Variants in SMG1 observed in about 807,000 individuals in gnomAD.
The protein encoded by SMG1 is SMG1 nonsense mediated mRNA decay associated PI3K related kinase.
In SMG1, 22 loss-of-function variants were observed where a neutral mutation model predicts 419.9. That is an observed-to-expected ratio of 0.05 (90% CI 0.04 to 0.07). The LOEUF (loss-of-function observed/expected upper bound fraction) is 0.07. SMG1 is among the 10% of genes least tolerant of loss of function. The probability of loss-of-function intolerance (pLI) is 1.00; values close to 1 mark genes in which losing one functional copy is unlikely to be tolerated. For missense variants in SMG1, 3,185 were observed against 4,342.0 expected (o/e 0.73, Z 7.49); for synonymous variants, 1,538 against 1,553.5 (o/e 0.99, Z 0.23).
At chr16:18,912,900 A>G (rs561966754) in intron 1 of SMG1, among the ~76,000 whole-genome samples, 102 of 152,224 alleles carry the variant, frequency 6.7e-4, no homozygotes, top group African/African-American at 2.1e-3. Flanking sequence ...TGGAAAACCT[A>G]TATTTTTATT....
intron 31 of SMG1, 21 bp from the exon 32 acceptor site, chr16:18,852,483 A>G (rs767628666): frequency 2.0e-6 from 3 of 1,477,290 alleles, no homozygotes; most frequent in Non-Finnish European, 1.8e-6. Flanking sequence ...GGACAAAAAA[A>G]TAATTATAAT....
At chr16:18,846,057 G>A (rs986139679) in intron 38 of SMG1, among the ~76,000 whole-genome samples, 4 of 151,964 alleles carry the variant, frequency 2.6e-5, no homozygotes, top group East Asian at 3.9e-4. Context: ...CTCGTGATCC[G>A]CCCGCCTCAG....
intron 60 of SMG1, among the ~76,000 whole-genome samples, chr16:18,812,449 T>A (rs928663675): frequency 7.2e-5 from 11 of 152,082 alleles, no homozygotes; most frequent in African/African-American, 2.2e-4. Flanking sequence ...GTCAGGAATT[T>A]ATTAAATTCA....
At chr16:18,900,498 A>T (rs1233490050) in intron 1 of SMG1, among the ~76,000 whole-genome samples, 2 of 152,240 alleles carry the variant, frequency 1.3e-5, no homozygotes, top group East Asian at 1.9e-4. Flanking sequence ...AAAGAGAGAG[A>T]GTGTCATCTC....
Position 18,853,603 on chromosome 16 carries a change from C to G in SMG1, c.4748G>C (p.Arg1583Pro). The G allele has an allele frequency of 6.2e-7, 1 of 1,601,974 alleles. No individual in the cohort carries two copies. The highest frequency in any genetic ancestry group is 8.5e-7 in the Non-Finnish European group (1 of 1,173,170). ...SVNTMEEEYP[R>P]IESESTVHIG... ...TCTACCTGTAGATTCACTCTCGATC[C>G]GAGGATACTCTTCTTCCATCGTATT... is the stretch of plus-strand genomic sequence containing the variant. Residue 1583 changes from arginine (R) to proline (P), a missense_variant, in exon 31 of 63, where the codon CGG (arginine) becomes CCG (proline). This residue lies in a region of SMG1 where 493 missense variants were observed against 552.9 expected (regional missense o/e 0.89). Coordinates refer to ENST00000446231, the MANE Select transcript of SMG1 (RefSeq NM_015092.5).
intron 29 of SMG1, 24 bp from the exon 30 acceptor site, chr16:18,854,928 T>C (rs201842804): frequency 6.2e-7 from 1 of 1,602,724 alleles, no homozygotes; most frequent in East Asian, 2.2e-5. Context: ...AACGTTTTAT[T>C]AGTTCCTAAT....
chr16:18,807,011 A>C lies in SMG1; in HGVS notation c.*2558T>G, dbSNP rs528387764. Reference sequence around the variant, plus strand: ...AAGTCATCTATTACATCTGCCTTACAACCAAACCCACTGTGTATGCCACAT... The same window carrying C: ...AAGTCATCTATTACATCTGCCTTACCACCAAACCCACTGTGTATGCCACAT... On this transcript the variant is annotated 3_prime_UTR_variant, in exon 63 of 63. Transcript: ENST00000446231. The C allele has an allele frequency of 6.6e-6, 1 of 152,214 alleles. No homozygotes were observed. The highest frequency in any genetic ancestry group is 1.5e-5 in the Non-Finnish European group (1 of 68,042). 9.4% of individuals were successfully genotyped at this position (152,214 alleles called of 1,614,324 possible). A position where few individuals can be genotyped will look rare whatever the true frequency, so the allele number is the denominator to read the frequency against.
In SMG1 at chr16:18,918,875, G is replaced by A. The variant is rs375106606; in HGVS notation, c.92+7075C>T. Reference sequence around the variant, plus strand: ...ATCATGCCACTGCACTCCAGCCTAAGTGACAGAGCAAGACTGTCTCAAAAA... The same window carrying A: ...ATCATGCCACTGCACTCCAGCCTAAATGACAGAGCAAGACTGTCTCAAAAA... On this transcript the variant is annotated intron_variant, in intron 1 of 62. Coordinates refer to ENST00000446231, the MANE Select transcript of SMG1 (RefSeq NM_015092.5). 5.5e-3 allele frequency among the ~76,000 whole-genome samples: 839 copies of A among 152,134 alleles called. 8 individuals carry two copies. Among genetic ancestry groups the A allele is most frequent in the African/African-American group, 0.019 (781 of 41,508 alleles).
At chr16:18,815,828 A>C in intron 58 of SMG1, 177 bp from the exon 59 acceptor site, 2 of 586,050 alleles carry the variant, frequency 3.4e-6, no homozygotes, top group East Asian at 5.8e-5. Context: ...ATTCAAAGTA[A>C]AAGTAAATTC....
Position 18,876,920 on chromosome 16 carries a change from A to G in SMG1, c.1620+211T>C, listed in dbSNP as rs576756077. 6.6e-5 allele frequency among the ~76,000 whole-genome samples: 10 copies of G among 152,236 alleles called. No homozygotes were observed. In the East Asian group the frequency reaches 1.7e-3, roughly 26 times the overall value. On this transcript the variant is annotated intron_variant, in intron 12 of 62. Transcript: ENST00000446231. The stretch of plus-strand genomic sequence containing the variant: ...AATTTAATAACAGCAAAAGATGCAT[A>G]GTCTGAAAAGAGTATCTGGCACATC...
chr16:18,872,850 C>T (rs1425928349), intron 13 of SMG1, among the ~76,000 whole-genome samples: 1 of 152,146 alleles, frequency 6.6e-6, no homozygotes, highest in African/African-American at 2.4e-5. Flanking sequence ...TCGTCTATCG[C>T]TACAGTAAGA....
chr16:18,817,528 T>C, intron 56 of SMG1, 58 bp from the exon 57 acceptor site: 2 of 1,344,412 alleles, frequency 1.5e-6, no homozygotes, highest in African/African-American at 1.5e-5. Flanking sequence ...GAAAGGGAGG[T>C]GGCAATTAAT....
rs892442388 is a variant in SMG1, at chr16:18,847,468, T to C, written c.5981A>G (p.Asn1994Ser). 1.9e-6 allele frequency: 3 copies of C among 1,613,944 alleles called. No individual in the cohort carries two copies. The highest frequency in any genetic ancestry group is 2.7e-5 in the African/African-American group (2 of 74,938). ...LEDEVKRVQN[N>S]NTLRKEEKIA... ...GGAAACATACTTGCGTAAGGTGTTG[T>C]TGTTCTGGACTCTCTTCACCTCATC... is the stretch of plus-strand genomic sequence containing the variant. Residue 1994 changes from asparagine (N) to serine (S), a missense_variant, in exon 38 of 63, where the codon AAC becomes AGC. Physicochemically the swap from Asn to Ser is conservative, Grantham distance 46. Around this residue, in one of 27 missense-constraint regions of SMG1, gnomAD observed 159 missense variants for 196.0 expected, o/e 0.81. Transcript: ENST00000446231.
At chr16:18,910,230 C>A (rs2037738544) in intron 1 of SMG1, among the ~76,000 whole-genome samples, 1 of 134,986 alleles carries the variant, frequency 7.4e-6, no homozygotes, top group South Asian at 2.4e-4. Context: ...CCATGCCCAG[C>A]TATTTTTTTT....
intron 1 of SMG1, among the ~76,000 whole-genome samples, chr16:18,907,607 T>C (rs1322508972): frequency 6.6e-6 from 1 of 152,042 alleles, no homozygotes; most frequent in Admixed American, 6.6e-5. Context: ...CCCAGCACTT[T>C]GGGAGGCCGA....
At chr16:18,856,702 G>A (rs1274997157) in intron 29 of SMG1, 1 of 152,158 alleles carries the variant, frequency 6.6e-6, no homozygotes, top group Non-Finnish European at 1.5e-5. Context: ...GGGTCACCGT[G>A]TTTGATGTCA....
intron 15 of SMG1, 48 bp downstream of exon 15, chr16:18,872,136 G>T: frequency 5.3e-6 from 6 of 1,126,654 alleles, no homozygotes; most frequent in South Asian, 2.0e-5. Flanking sequence ...AATTATAAAG[G>T]CAAATTAACA....
At chr16:18,850,163 A>T (rs1447256118) in intron 34 of SMG1, 37 bp from the exon 35 acceptor site, 3 of 1,598,008 alleles carry the variant, frequency 1.9e-6, no homozygotes, top group Non-Finnish European at 2.6e-6. Flanking sequence ...ATAAGAAAAT[A>T]ACTCAGAACA....
intron 1 of SMG1, among the ~76,000 whole-genome samples, chr16:18,918,343 G>C (rs1459513190): frequency 1.3e-5 from 2 of 152,320 alleles, no homozygotes; most frequent in African/African-American, 4.8e-5. Context: ...TCCCAACCCA[G>C]TGCTTCAGCT....
Sources: gnomAD v4.1 joint callset for allele counts (sites outside exome capture counted in the v4.1 genomes callset) on GRCh38, gnomAD v4.1.1 for gene constraint, gnomAD v4.1.1 regional missense constraint, MANE v1.5 for transcripts, NCBI Gene and HGNC (gene_info 2026-07-23, HGNC 2026-07-21) for gene names.